The following PCP4 variants were observed in gnomAD, a reference collection of about 807,000 sequenced individuals.
PCP4 encodes the protein Purkinje cell protein 4.
PCP4 carries 8 observed loss-of-function variants against 10.0 expected under a neutral mutation model. That is an observed-to-expected ratio of 0.80 (90% confidence interval 0.47 to 1.45). The LOEUF (loss-of-function observed/expected upper bound fraction) is 1.45, where lower values mean the gene tolerates loss of function less well. PCP4 is among the 40% of genes most tolerant of loss of function. The probability of loss-of-function intolerance (pLI) is 0.00; values close to 1 mark genes in which losing one functional copy is unlikely to be tolerated. For missense variants in PCP4, 54 were observed against 74.4 expected (o/e 0.73, Z 1.01); for synonymous variants, 21 against 23.0 (o/e 0.91, Z 0.24).
intron 2 of PCP4, among the ~76,000 whole-genome samples, chr21:39,923,434 A>G (rs1004868726): frequency 1.1e-4 from 16 of 152,144 alleles, no homozygotes; most frequent in Non-Finnish European, 2.2e-4. Context: ...AGAGCCCACT[A>G]TTTGTTGACC....
intron 1 of PCP4, among the ~76,000 whole-genome samples, chr21:39,897,527 G>A (rs945232215): frequency 6.6e-6 from 1 of 152,072 alleles, no homozygotes; most frequent in African/African-American, 2.4e-5. Flanking sequence ...AAGCTTTGAG[G>A]AAACACCCTT....
At chr21:39,870,110 C>G (rs1177092455) in intron 1 of PCP4, among the ~76,000 whole-genome samples, 8 of 152,232 alleles carry the variant, frequency 5.3e-5, no homozygotes, top group Non-Finnish European at 1.2e-4. Flanking sequence ...CCAGGCCTCC[C>G]CGCCTTTAAG....
At chr21:39,884,442 G>A (rs1480796943) in intron 1 of PCP4, among the ~76,000 whole-genome samples, 1 of 151,910 alleles carries the variant, frequency 6.6e-6, no homozygotes, top group Middle Eastern at 3.4e-3. Flanking sequence ...GACTCCCAAA[G>A]TGCTGGGATT....
intron 1 of PCP4, among the ~76,000 whole-genome samples, chr21:39,870,858 T>C (rs745560780): frequency 5.3e-5 from 8 of 152,236 alleles, no homozygotes; most frequent in African/African-American, 9.6e-5. Flanking sequence ...TTTTCTTGCT[T>C]TGGCGTGGAT....
chr21:39,898,947 A>G (rs1752264166), intron 2 of PCP4, among the ~76,000 whole-genome samples: 2 of 152,294 alleles, frequency 1.3e-5, no homozygotes, highest in Middle Eastern at 6.8e-3. Flanking sequence ...AGCACACACA[A>G]TGCGGTGCTG....
At chr21:39,896,946 T>C (rs550667611) in intron 1 of PCP4, among the ~76,000 whole-genome samples, 1 of 152,282 alleles carries the variant, frequency 6.6e-6, no homozygotes, top group South Asian at 2.1e-4. Context: ...GCTCTGCTGT[T>C]TTTTTCTAGG....
chr21:39,875,378 G>A (rs955392490), intron 1 of PCP4, among the ~76,000 whole-genome samples: 4 of 152,118 alleles, frequency 2.6e-5, no homozygotes, highest in Admixed American at 2.0e-4. Flanking sequence ...AGGGGTGACA[G>A]CATACACACA....
chr21:39,924,652 C>T (rs2087612166), intron 2 of PCP4, among the ~76,000 whole-genome samples: 1 of 152,204 alleles, frequency 6.6e-6, no homozygotes, highest in African/African-American at 2.4e-5. Context: ...ATCCTCCCCT[C>T]TCAGTCTCCT....
intron 1 of PCP4, among the ~76,000 whole-genome samples, chr21:39,868,629 C>T (rs754137317): frequency 2.0e-5 from 3 of 152,140 alleles, no homozygotes; most frequent in Admixed American, 6.5e-5. Context: ...GTCTGTGTGC[C>T]GACAGTGTCA....
At chr21:39,881,796 G>T (rs760150) in intron 1 of PCP4, among the ~76,000 whole-genome samples, 21,663 of 152,158 alleles carry the variant, frequency 0.14, 1,846 homozygotes, top group Middle Eastern at 0.21. Flanking sequence ...TGGCAGAAAG[G>T]GGGCGTCCAA....
At chr21:39,913,492 C>T (rs2087551171) in intron 2 of PCP4, among the ~76,000 whole-genome samples, 2 of 152,216 alleles carry the variant, frequency 1.3e-5, no homozygotes, top group Admixed American at 1.3e-4. Context: ...GTGGGATGCC[C>T]AGTCATGTTC....
chr21:39,914,787 C>T (rs964087634), intron 2 of PCP4, among the ~76,000 whole-genome samples: 1 of 152,126 alleles, frequency 6.6e-6, no homozygotes, highest in Admixed American at 6.5e-5. Flanking sequence ...ATGAAATTCT[C>T]TATGGTGGTG....
intron 2 of PCP4, among the ~76,000 whole-genome samples, chr21:39,927,315 T>TATCTATCTATC (rs1568863751): frequency 8.8e-6 from 1 of 113,576 alleles, no homozygotes; most frequent in East Asian, 2.3e-4. Flanking sequence ...TCTATCTATC[T>TATCTATCTATC]ATCTATCATC....
At chr21:39,905,681 A>G (rs1379124694) in intron 2 of PCP4, among the ~76,000 whole-genome samples, 1 of 152,182 alleles carries the variant, frequency 6.6e-6, no homozygotes, top group Non-Finnish European at 1.5e-5. Flanking sequence ...AAAGTGCTTG[A>G]AGCCTTGTGG....
At chr21:39,914,957 G>A (rs1404620274) in intron 2 of PCP4, among the ~76,000 whole-genome samples, 1 of 152,160 alleles carries the variant, frequency 6.6e-6, no homozygotes, top group African/African-American at 2.4e-5. Context: ...TTATTCCAAA[G>A]CTGTGAAAGG....
intron 2 of PCP4, among the ~76,000 whole-genome samples, chr21:39,917,578 G>A (rs2087575314): frequency 6.6e-6 from 1 of 152,156 alleles, no homozygotes; most frequent in Non-Finnish European, 1.5e-5. Flanking sequence ...TACAAACTGT[G>A]TCCCTGCACA....
chr21:39,872,180 G>T (rs900746534), intron 1 of PCP4, among the ~76,000 whole-genome samples: 1 of 152,120 alleles, frequency 6.6e-6, no homozygotes, highest in African/African-American at 2.4e-5. Context: ...TGTAGTTTTA[G>T]TAGAGACAGG....
At chr21:39,903,885 A>C (rs866274541) in intron 2 of PCP4, among the ~76,000 whole-genome samples, 61 of 105,014 alleles carry the variant, frequency 5.8e-4, no homozygotes, top group Admixed American at 1.8e-3. Context: ...ACAAAAAAAA[A>C]AAAAAAAAAA....
At chr21:39,874,079 C>T (rs2087333045) in intron 1 of PCP4, among the ~76,000 whole-genome samples, 1 of 152,198 alleles carries the variant, frequency 6.6e-6, no homozygotes, top group South Asian at 2.1e-4. Flanking sequence ...AAATTAGACT[C>T]ATAAAGCAGG....
Sources: gnomAD v4.1 joint callset for allele counts (sites outside exome capture counted in the v4.1 genomes callset) on GRCh38, gnomAD v4.1.1 for gene constraint, MANE v1.5 for transcripts, NCBI Gene and HGNC (gene_info 2026-07-23, HGNC 2026-07-21) for gene names.